The following QSOX2 variants were observed in gnomAD, a reference collection of about 807,000 sequenced individuals.
QSOX2 encodes the protein sulfhydryl oxidase 2.
In QSOX2, 46 loss-of-function variants were observed where a neutral mutation model predicts 61.7. The observed-to-expected ratio is 0.75, with a 90% CI of 0.59 to 0.95. The LOEUF is 0.95. Ranked by LOEUF, QSOX2 falls within the 40% of genes least tolerant of loss-of-function variation. The probability of loss-of-function intolerance (pLI) is 0.00; values close to 1 mark genes in which losing one functional copy is unlikely to be tolerated. For missense variants in QSOX2, 879 were observed against 918.9 expected (o/e 0.96, Z 0.56); for synonymous variants, 383 against 388.4 (o/e 0.99, Z 0.16).
At chr9:136,224,437 C>G (rs1369811844) in intron 3 of QSOX2, among the ~76,000 whole-genome samples, 1 of 151,924 alleles carries the variant, frequency 6.6e-6, no homozygotes, top group African/African-American at 2.4e-5. Context: ...AGGCAGAGCC[C>G]CCCCAGGGCG....
At chr9:136,229,479 A>G (rs1002371165) in intron 1 of QSOX2, among the ~76,000 whole-genome samples, 2 of 152,174 alleles carry the variant, frequency 1.3e-5, no homozygotes, top group African/African-American at 4.8e-5. Context: ...GTTTATTGGG[A>G]ATTTCTATAA....
chr9:136,208,174 G>A lies in QSOX2; in HGVS notation c.*554C>T, dbSNP rs1463793367. On this transcript the variant is annotated 3_prime_UTR_variant, in exon 12 of 12. Transcript: ENST00000358701. The stretch of plus-strand genomic sequence containing the variant: ...AGTCCCTGGAGCACTTGCTTGGAGG[G>A]GCTGCAGAGGCCGACTGCGCTTCCG... 1 of 150,744 alleles carries A rather than the reference G, an allele frequency of 6.6e-6. No homozygotes were observed. Among genetic ancestry groups the A allele is most frequent in the Non-Finnish European group, 1.5e-5 (1 of 67,682 alleles). 9.3% of individuals were successfully genotyped at this position (150,744 alleles called of 1,614,324 possible).
rs1245368026 is a variant in QSOX2, at chr9:136,223,614, C to T, written c.675+149G>A. 2 of 623,584 alleles carry T rather than the reference C, an allele frequency of 3.2e-6. No individual in the cohort carries two copies. Among genetic ancestry groups the T allele is most frequent in the Non-Finnish European group, 2.8e-6 (1 of 358,230 alleles). The allele number at this position is 623,584 out of a possible 1,614,324, so 38.6% of individuals were successfully genotyped here. A position where few individuals can be genotyped will look rare whatever the true frequency, so the allele number is the denominator to read the frequency against. ...CAGTGACTTTGCTGAGTAACATTAA[C>T]TAAGCTTCTGATAATGAACAAGACC... On this transcript the variant is annotated intron_variant, in intron 5 of 11. Coordinates refer to ENST00000358701, the MANE Select transcript of QSOX2 (RefSeq NM_181701.4). The surrounding 1 kb of genome is among the most constrained non-coding windows in gnomAD (Gnocchi z 4.4).
At chr9:136,219,496 C>T (rs1831956017) in intron 6 of QSOX2, among the ~76,000 whole-genome samples, 1 of 152,240 alleles carries the variant, frequency 6.6e-6, no homozygotes, top group Non-Finnish European at 1.5e-5. Context: ...ACTGCGATTT[C>T]CAACACGCCT....
intron 1 of QSOX2, among the ~76,000 whole-genome samples, chr9:136,228,891 AAG>A (rs1289482881): frequency 6.6e-6 from 1 of 152,212 alleles, no homozygotes; most frequent in Non-Finnish European, 1.5e-5. Context: ...TAAAAAGAGT[AAG>A]AGTCTTTTCT....
At chr9:136,210,987 A>T (rs1831836671) in intron 11 of QSOX2, 1 of 774,206 alleles carries the variant, frequency 1.3e-6, no homozygotes. Context: ...ACCAGTGGGT[A>T]CCGATGGGGG....
Position 136,245,635 on chromosome 9 carries a change from G to A in QSOX2, c.169C>T (p.Arg57Cys), listed in dbSNP as rs782095703. Residue 57 changes from arginine to cysteine, a missense_variant, in exon 1 of 12, where the codon CGC (arginine) becomes TGC (cysteine). Physicochemically the swap from Arg to Cys is radical, Grantham distance 180. Coordinates refer to ENST00000358701, the MANE Select transcript of QSOX2 (RefSeq NM_181701.4). The stretch of plus-strand genomic sequence containing the variant: ...ACCCACACGGCGTCCTCGCCCGCGC[G>A]GTACAGCCGCGCCGCACCGCCCGCG... ...PGAGGAARLYRAGEDAVWVLD... is the reference protein window; with the variant it reads ...PGAGGAARLYCAGEDAVWVLD... 1 of 1,402,152 alleles carries A rather than the reference G, an allele frequency of 7.1e-7. No homozygotes were observed. Among genetic ancestry groups the A allele is most frequent in the Admixed American group, 3.1e-5 (1 of 32,020 alleles). 86.9% of individuals were successfully genotyped at this position (1,402,152 alleles called of 1,614,324 possible). A position where few individuals can be genotyped will look rare whatever the true frequency, so the allele number is the denominator to read the frequency against.
intron 11 of QSOX2, 101 bp downstream of exon 11, chr9:136,211,163 G>T: frequency 7.6e-7 from 1 of 1,319,224 alleles, no homozygotes; most frequent in Non-Finnish European, 1.1e-6. Flanking sequence ...AGGCCGCAAA[G>T]CTCAGGGACA....
rs1442521529 is a variant in QSOX2 at position 136,223,781 on chromosome 9, G to C, written c.657C>G (p.Ser219Arg). 1 of 1,614,020 alleles carries C rather than the reference G, an allele frequency of 6.2e-7. No homozygotes were observed. The highest frequency in any genetic ancestry group is 1.1e-5 in the South Asian group (1 of 91,082). The change falls in exon 5 of 12, where the codon AGC (serine) becomes AGG (arginine). Residue 219 changes from serine to arginine, a missense_variant. By Grantham distance (110) the Ser-to-Arg change is moderately radical (BLOSUM62 -1). Transcript: ENST00000358701. The surrounding 1 kb of genome is among the most constrained non-coding windows in gnomAD (Gnocchi z 4.4). ...HYVAIVFESNSSYLGREVILD... is the reference protein window; with the variant it reads ...HYVAIVFESNRSYLGREVILD... ...GCCGTACCTCCCGTCCAAGGTAGGA[G>C]CTGTTGCTTTCAAAGACAATAGCCA...
chr9:136,211,542 C>T, intron 10 of QSOX2, 90 bp from the exon 11 acceptor site: 5 of 1,367,028 alleles, frequency 3.7e-6, no homozygotes, highest in South Asian at 1.3e-5. Flanking sequence ...GGAAACCGCT[C>T]CTGACATGTC....
chr9:136,245,355 G>A (rs1588643747), intron 1 of QSOX2, 121 bp downstream of exon 1: 2 of 828,906 alleles, frequency 2.4e-6, no homozygotes, highest in Non-Finnish European at 3.6e-6. Flanking sequence ...GACTGGCTCT[G>A]CGGTAAGGAA....
chr9:136,235,605 A>C (rs1830374104), intron 1 of QSOX2, among the ~76,000 whole-genome samples: 1 of 152,186 alleles, frequency 6.6e-6, no homozygotes, highest in Non-Finnish European at 1.5e-5. Context: ...GAGAACTCAT[A>C]ACCACCACGA....
In QSOX2 at chr9:136,224,988, C is replaced by T. The variant is rs1830266711; in HGVS notation, c.430-79G>A. On this transcript the variant is annotated intron_variant, in intron 2 of 11. Coordinates refer to ENST00000358701, the MANE Select transcript of QSOX2 (RefSeq NM_181701.4). ...TGTGTTTAAGCAACAAAACGCCCGT[C>T]ACCTTAGAGGGAGCTTTACTCAATT... 3.0e-6 allele frequency: 3 copies of T among 995,790 alleles called. No individual in the cohort carries two copies. The Admixed American group carries it at 7.0e-5, about 23-fold the overall frequency. 61.7% of individuals were successfully genotyped at this position (995,790 alleles called of 1,614,324 possible). A position where few individuals can be genotyped will look rare whatever the true frequency, so the allele number is the denominator to read the frequency against.
At chr9:136,232,910 C>A (rs1286647635) in intron 1 of QSOX2, among the ~76,000 whole-genome samples, 1 of 127,804 alleles carries the variant, frequency 7.8e-6, no homozygotes, top group Admixed American at 8.5e-5. Flanking sequence ...AGAGTGAGAA[C>A]CTGTCTCAAA....
In QSOX2 at chr9:136,227,601, C is replaced by T. The variant is rs148561965; in HGVS notation, c.329-727G>A. 4.5e-3 allele frequency among the ~76,000 whole-genome samples: 683 copies of T among 152,316 alleles called. 3 individuals are homozygous for T. The highest frequency in any genetic ancestry group is 6.5e-3 in the Non-Finnish European group (442 of 68,034). ...GTGAATCCTGTTTTGCCAAAGTCTCCACCCACTTTCAGAACTGTCCCACAA... is the reference window on the plus strand; with the variant it reads ...GTGAATCCTGTTTTGCCAAAGTCTCTACCCACTTTCAGAACTGTCCCACAA... On this transcript the variant is annotated intron_variant, in intron 1 of 11. Coordinates refer to ENST00000358701, the MANE Select transcript of QSOX2 (RefSeq NM_181701.4).
rs371056879 is a variant in QSOX2 at position 136,218,783 on chromosome 9, C to T, written c.982G>A (p.Glu328Lys). Residue 328 changes from glutamate (E) to lysine (K), a missense_variant, in exon 8 of 12, where the codon GAG (glutamate) becomes AAG (lysine). By Grantham distance (56) the Glu-to-Lys change is moderately conservative. Transcript: ENST00000358701. ...DKSKLYTVDLESGLHYLLRVE... is the reference protein window; with the variant it reads ...DKSKLYTVDLKSGLHYLLRVE... ...CGCAGGAGGTAGTGTAGCCCTGACT[C>T]CAGGTCCACCGTGTACAGCTTCGAC... The T allele has an allele frequency of 6.2e-7, 1 of 1,613,460 alleles. No homozygotes were observed. Among genetic ancestry groups the T allele is most frequent in the African/African-American group, 1.3e-5 (1 of 74,938 alleles).
At chr9:136,238,800 G>A (rs1830411955) in intron 1 of QSOX2, among the ~76,000 whole-genome samples, 1 of 152,240 alleles carries the variant, frequency 6.6e-6, no homozygotes, top group Non-Finnish European at 1.5e-5. Context: ...GCCTGCATCT[G>A]CCTGCTGCCG....
intron 1 of QSOX2, among the ~76,000 whole-genome samples, chr9:136,237,098 G>A (rs1236106835): frequency 7.1e-6 from 1 of 140,644 alleles, no homozygotes; most frequent in Non-Finnish European, 1.5e-5. Context: ...CACACCTGGA[G>A]CCTGTCTTGT....
Position 136,224,128 on chromosome 9 carries a change from C to G in QSOX2, c.479-16G>C, listed in dbSNP as rs770266007. The G allele has an allele frequency of 6.2e-7, 1 of 1,602,342 alleles. No individual in the cohort carries two copies. Among genetic ancestry groups the G allele is most frequent in the South Asian group, 1.1e-5 (1 of 90,736 alleles). On this transcript the variant is annotated splice_polypyrimidine_tract_variant and intron_variant, in intron 3 of 11. Coordinates refer to ENST00000358701, the MANE Select transcript of QSOX2 (RefSeq NM_181701.4). ...CGGTCAGGTCCTGCCGGAAGCACAC[C>G]AGGGTCAGAGCTGTGTGTGCGGCTG...
Sources: gnomAD v4.1 joint callset for allele counts (sites outside exome capture counted in the v4.1 genomes callset) on GRCh38, gnomAD v4.1.1 for gene constraint, Gnocchi (gnomAD v3.1) non-coding constraint, MANE v1.5 for transcripts, NCBI Gene and HGNC (gene_info 2026-07-23, HGNC 2026-07-21) for gene names.